Variants in IL18R1 observed in about 807,000 individuals in gnomAD.
The protein encoded by IL18R1 is interleukin 18 receptor 1.
Under a neutral mutation model 48.5 loss-of-function variants are expected in IL18R1, and 40 were observed. That is an observed-to-expected ratio of 0.82 (90% confidence interval 0.64 to 1.07). The LOEUF is 1.07. IL18R1 is among the 50% of genes least tolerant of loss of function. The pLI, the probability that IL18R1 is intolerant of heterozygous loss-of-function variation, is 0.00. For missense variants in IL18R1, 596 were observed against 633.7 expected, an observed-to-expected ratio of 0.94 and a Z score of 0.64; for synonymous variants, 232 against 225.9, an observed-to-expected ratio of 1.03 and a Z score of -0.24.
rs1268460441 is a variant in IL18R1, at chr2:102,368,019, T to C, written c.253T>C (p.Phe85Leu). Residue 85 changes from phenylalanine (F) to leucine (L), a missense_variant, in exon 3 of 11, where the codon TTT becomes CTT. By Grantham distance (22) the Phe-to-Leu change is conservative. Around this residue, in one of 3 missense-constraint regions of IL18R1, gnomAD observed 360 missense variants for 339.4 expected, o/e 1.06. Coordinates refer to ENST00000233957, the MANE Select transcript of IL18R1 (RefSeq NM_003855.5). ...TGCTTTGCATGATTGTGTTTTGGAG[T>C]TTTGGCCAGTTGAGTTGAATGACAC... ...RIALHDCVLE[F>L]WPVELNDTGS... 2 of 1,614,108 alleles carry C rather than the reference T, an allele frequency of 1.2e-6. No homozygotes were observed. Among genetic ancestry groups the C allele is most frequent in the South Asian group, 2.2e-5 (2 of 91,082 alleles).
At chr2:102,370,859 G>T (rs183546384) in intron 3 of IL18R1, among the ~76,000 whole-genome samples, 19 of 152,302 alleles carry the variant, frequency 1.2e-4, no homozygotes, top group Middle Eastern at 3.4e-3. Flanking sequence ...AGGGGAACTG[G>T]AAGAGCCTAA....
chr2:102,368,495 A>C (rs1362427406), intron 3 of IL18R1, among the ~76,000 whole-genome samples: 1 of 152,180 alleles, frequency 6.6e-6, no homozygotes, highest in African/African-American at 2.4e-5. Context: ...GGGTTGATGC[A>C]GAAACACCCT....
intron 7 of IL18R1, among the ~76,000 whole-genome samples, 154 bp from the exon 8 acceptor site, chr2:102,386,707 G>A (rs1012978129): frequency 7.2e-5 from 11 of 152,306 alleles, no homozygotes; most frequent in Middle Eastern, 3.4e-3. Flanking sequence ...AGGAGGGGAC[G>A]TTTATTGTAG....
chr2:102,369,190 C>T (rs1045399487), intron 3 of IL18R1, among the ~76,000 whole-genome samples: 14 of 152,092 alleles, frequency 9.2e-5, no homozygotes, highest in Admixed American at 5.9e-4. Context: ...AACACCGCCC[C>T]CCCCACCACA....
At chr2:102,373,173 G>A (rs1679369264) in intron 4 of IL18R1, among the ~76,000 whole-genome samples, 1 of 152,058 alleles carries the variant, frequency 6.6e-6, no homozygotes, top group Non-Finnish European at 1.5e-5. Flanking sequence ...CTGCAATCAG[G>A]CAATTTTGTG....
At chr2:102,380,141 G>A (rs1679833790) in intron 5 of IL18R1, among the ~76,000 whole-genome samples, 1 of 151,850 alleles carries the variant, frequency 6.6e-6, no homozygotes, top group African/African-American at 2.4e-5. Context: ...TTTTGACTCT[G>A]ATAGCCTCCT....
At chr2:102,364,258 A>G (rs894194722) in intron 2 of IL18R1, among the ~76,000 whole-genome samples, 9 of 152,232 alleles carry the variant, frequency 5.9e-5, no homozygotes, top group Non-Finnish European at 1.2e-4. Flanking sequence ...TCCAACAGAC[A>G]TTTGTTTAAT....
chr2:102,383,864 G>GT (rs1424182714), intron 6 of IL18R1, among the ~76,000 whole-genome samples: 1 of 151,832 alleles, frequency 6.6e-6, no homozygotes, highest in Non-Finnish European at 1.5e-5. Flanking sequence ...CCATCCACTT[G>GT]TTTATCTTTT....
chr2:102,394,518 T>C lies in IL18R1; in HGVS notation c.1161T>C (p.Pro387=), dbSNP rs1680717804. ...AFVSYLKECR[P]ENGEEHTFAV... ...TGTCTTACCTAAAAGAATGCCGACC[T>C]GAAAATGGAGAGGAGCACACCTTTG... is the stretch of plus-strand genomic sequence containing the variant. Residue 387 remains proline (P), a synonymous_variant, in exon 10 of 11, where the codon CCT becomes CCC. Transcript: ENST00000233957. The C allele has an allele frequency of 1.2e-6, 2 of 1,613,308 alleles. No individual in the cohort carries two copies. The highest frequency in any genetic ancestry group is 1.7e-5 in the Admixed American group (1 of 60,004).
At position 102,356,392 on chromosome 2, in the gene IL18R1, T is replaced by A. The variant is rs1278559245; in HGVS notation, c.-37T>A. The stretch of plus-strand genomic sequence containing the variant: ...CCCCCGCCCCAGCCTCGGGGACGCC[T>A]CTCTGAAGGTAAGGGTGGGCTCCGC... On this transcript the variant is annotated 5_prime_UTR_variant, in exon 1 of 11. Coordinates refer to ENST00000233957, the MANE Select transcript of IL18R1 (RefSeq NM_003855.5). 3.1e-6 allele frequency: 3 copies of A among 982,582 alleles called. No individual in the cohort carries two copies. The highest frequency in any genetic ancestry group is 3.6e-6 in the Non-Finnish European group (3 of 827,870). 60.9% of individuals were successfully genotyped at this position (982,582 alleles called of 1,614,324 possible).
chr2:102,377,296 C>T (rs893643933), intron 5 of IL18R1, among the ~76,000 whole-genome samples: 5 of 152,042 alleles, frequency 3.3e-5, no homozygotes, highest in Admixed American at 6.5e-5. Context: ...GGGGAAAATG[C>T]GTTTCTTTTA....
chr2:102,388,942 C>T (rs1559632558), intron 8 of IL18R1, among the ~76,000 whole-genome samples: 2 of 152,100 alleles, frequency 1.3e-5, no homozygotes, highest in African/African-American at 2.4e-5. Flanking sequence ...CCCACCATTA[C>T]AATCTATTTT....
intron 5 of IL18R1, among the ~76,000 whole-genome samples, chr2:102,381,344 G>A (rs950124087): frequency 2.0e-5 from 3 of 152,204 alleles, no homozygotes; most frequent in Non-Finnish European, 4.4e-5. Context: ...ACTCTTGCAC[G>A]TTTGATCATC....
chr2:102,386,954 C>G lies in IL18R1; in HGVS notation c.903C>G (p.Ala301=). ...NLNVLYNCTV[A]STGGTDTKSF... ...ATGTTTTATATAATTGCACTGTGGC[C>G]AGCACGGGAGGCACAGACACCAAAA... The change falls in exon 8 of 11, where the codon GCC becomes GCG. Residue 301 remains alanine (A), a synonymous_variant. Coordinates refer to ENST00000233957, the MANE Select transcript of IL18R1 (RefSeq NM_003855.5). The G allele has an allele frequency of 6.2e-7, 1 of 1,613,830 alleles. No individual in the cohort carries two copies. The highest frequency in any genetic ancestry group is 1.7e-4 in the Middle Eastern group (1 of 6,060).
chr2:102,365,724 G>T (rs1678854597), intron 2 of IL18R1, among the ~76,000 whole-genome samples: 1 of 152,204 alleles, frequency 6.6e-6, no homozygotes, highest in Non-Finnish European at 1.5e-5. Flanking sequence ...TGGACATCCA[G>T]CATTTCCATA....
chr2:102,371,119 C>G (rs11465602), intron 3 of IL18R1, among the ~76,000 whole-genome samples: 1 of 150,988 alleles, frequency 6.6e-6, no homozygotes, highest in African/African-American at 2.4e-5. Context: ...TGCAATGGCG[C>G]GATCTCCACT....
At chr2:102,394,267 A>G (rs534159246) in intron 9 of IL18R1, among the ~76,000 whole-genome samples, 1 of 152,152 alleles carries the variant, frequency 6.6e-6, no homozygotes, top group East Asian at 1.9e-4. Context: ...GGTGTCAAGC[A>G]GTGGGATCTT....
At chr2:102,368,147 G>T in intron 3 of IL18R1, 79 bp downstream of exon 3, 2 of 1,496,988 alleles carry the variant, frequency 1.3e-6, no homozygotes, top group Non-Finnish European at 1.8e-6. Flanking sequence ...GCAGTAATCT[G>T]AAAGGTCAGA....
At chr2:102,395,487 A>G (rs1680773943) in intron 10 of IL18R1, among the ~76,000 whole-genome samples, 1 of 152,294 alleles carries the variant, frequency 6.6e-6, no homozygotes, top group Admixed American at 6.5e-5. Context: ...CCCCCATATT[A>G]CAAAGTAGAA....
Sources: allele counts gnomAD v4.1 joint callset (sites outside exome capture counted in the v4.1 genomes callset), GRCh38; gene constraint gnomAD v4.1.1; regional missense constraint gnomAD v4.1.1; transcripts MANE v1.5; gene names NCBI Gene and HGNC (gene_info 2026-07-23, HGNC 2026-07-21).